Variants in TAOK2 observed in about 807,000 individuals in gnomAD.
The protein encoded by TAOK2 is TAO kinase 2, also known as serine/threonine-protein kinase TAO2.
Under a neutral mutation model 122.5 loss-of-function variants are expected in TAOK2, and 42 were observed. The observed-to-expected ratio is 0.34, with a 90% CI of 0.27 to 0.44. The LOEUF is 0.44. TAOK2 is among the 20% of genes least tolerant of loss of function. The probability of loss-of-function intolerance (pLI) is 1.00; values close to 1 mark genes in which losing one functional copy is unlikely to be tolerated. For synonymous variants in TAOK2, 704 were observed against 677.6 expected (o/e 1.04, Z -0.61); for missense variants, 1,264 against 1,644.9 (o/e 0.77, Z 4.01).
chr16:29,989,787 G>C (rs2069924532), downstream of TAOK2: 2 of 1,613,678 alleles, frequency 1.2e-6, no homozygotes, highest in Non-Finnish European at 1.7e-6. Flanking sequence ...CCATCTCAGA[G>C]ATGCTCAGCT....
In TAOK2 at chr16:29,985,831, G is replaced by A; in HGVS notation, c.1962G>A (p.Arg654=). The change falls in exon 15 of 16, where the codon CGG becomes CGA. Residue 654 remains arginine, a synonymous_variant. Coordinates refer to ENST00000308893, the MANE Select transcript of TAOK2 (RefSeq NM_016151.4). The surrounding 1 kb of genome is among the most constrained non-coding windows in gnomAD (Gnocchi z 6.9). ...RQYKRKMLLA[R]HSLDQDLLRE... The stretch of plus-strand genomic sequence containing the variant: ...ACAAGCGCAAGATGTTGCTGGCTCG[G>A]CACAGCCTGGACCAGGACCTGCTGC... The A allele has an allele frequency of 1.2e-6, 2 of 1,611,750 alleles. No individual in the cohort carries two copies. Among genetic ancestry groups the A allele is most frequent in the African/African-American group, 1.3e-5 (1 of 74,948 alleles).
downstream of TAOK2, chr16:29,991,585 G>C (rs1308719679): frequency 1.4e-6 from 2 of 1,456,694 alleles, no homozygotes. This position sits in a 1 kb window ranked among gnomAD's most constrained non-coding sequence, Gnocchi z 5.6. Context: ...GCGGGGAGGA[G>C]CAGATGAGCT....
downstream of TAOK2, chr16:29,991,305 C>G: frequency 1.2e-6 from 2 of 1,610,836 alleles, no homozygotes; most frequent in South Asian, 1.1e-5. The surrounding 1 kb of genome is among the most constrained non-coding windows in gnomAD (Gnocchi z 5.6). Context: ...ACCAGGCATG[C>G]CCCCTCCAGC....
In TAOK2 at chr16:29,987,168, C is replaced by T. The variant is rs564201149; in HGVS notation, c.2896C>T (p.Leu966=). 10 of 1,563,500 alleles carry T rather than the reference C, an allele frequency of 6.4e-6. No homozygotes were observed. In the African/African-American group the frequency reaches 1.1e-4, roughly 17 times the overall value. ...TGCAGTGGGGTCCTCCTCTGGCCTC[C>T]TGCCCCTCCTGCTGCTGCTGCTGCT... is the stretch of plus-strand genomic sequence containing the variant. The part of the protein sequence containing the change: ...SFAVGSSSGL[L]PLLLLLLLPL... Residue 966 remains leucine, a synonymous_variant, in exon 16 of 16, where the codon CTG becomes TTG. Transcript: ENST00000308893.
rs2069742736 is a variant in TAOK2, at chr16:29,985,136, T to C, written c.1423-77T>C. 2.1e-6 allele frequency: 3 copies of C among 1,433,476 alleles called. No homozygotes were observed. The highest frequency in any genetic ancestry group is 2.7e-6 in the Non-Finnish European group (3 of 1,092,116). The allele number at this position is 1,433,476 out of a possible 1,614,324, so 88.8% of individuals were successfully genotyped here. A position where few individuals can be genotyped will look rare whatever the true frequency, so the allele number is the denominator to read the frequency against. ...CCCATGAGTTGAAAACCCATGCTCT[T>C]CCCCACGGAAGACCCCTTGTGTTAA... On this transcript the variant is annotated intron_variant, in intron 13 of 15. Transcript: ENST00000308893. This position sits in a 1 kb window ranked among gnomAD's most constrained non-coding sequence, Gnocchi z 6.9.
At chr16:29,988,564 C>T (rs890925541), downstream of TAOK2, 1 of 985,232 alleles carries the variant, frequency 1.0e-6, no homozygotes, top group Non-Finnish European at 1.2e-6. Flanking sequence ...AGCTTCATTG[C>T]ACCATGACCA....
chr16:29,978,851 G>T lies in TAOK2; in HGVS notation c.352+7G>T. ...GCTTCTGACCTTCTAGAAGGTAAGT[G>T]ACTGATAGGCCAATAAGTGGAGAAG... On this transcript the variant is annotated splice_region_variant and intron_variant, in intron 5 of 15. Coordinates refer to ENST00000308893, the MANE Select transcript of TAOK2 (RefSeq NM_016151.4). 6.2e-7 allele frequency: 1 copy of T among 1,614,080 alleles called. No homozygotes were observed. Among genetic ancestry groups the T allele is most frequent in the South Asian group, 1.1e-5 (1 of 91,054 alleles).
rs751062812 is a variant in TAOK2, at chr16:29,987,176, CCTGCTGCTG to C, written c.2913_2921del (p.Leu972_Leu974del). The C allele has an allele frequency of 5.7e-5, 89 of 1,560,096 alleles. No individual in the cohort carries two copies. The highest frequency in any genetic ancestry group is 7.4e-5 in the Non-Finnish European group (86 of 1,158,204). ...GGTCCTCCTCTGGCCTCCTGCCCCT[CCTGCTGCTG>C]CTGCTGCTTCCATTGCTGGCAGCCC... On this transcript the variant is annotated inframe_deletion, in exon 16 of 16. Transcript: ENST00000308893.
chr16:29,978,490 T>C, intron 4 of TAOK2, 137 bp downstream of exon 4: 1 of 987,444 alleles, frequency 1.0e-6, no homozygotes, highest in Non-Finnish European at 1.6e-6. Flanking sequence ...TTTGACCGCT[T>C]TAGTCCTCAG....
In TAOK2 at chr16:29,987,681, C is replaced by A; in HGVS notation, c.3409C>A (p.Pro1137Thr). Reference sequence around the variant, plus strand: ...CGTCCCTGGGCCCCGGCGGCGTAATCCCCGCACCACCCAACACCCATTAGC... The same window carrying A: ...CGTCCCTGGGCCCCGGCGGCGTAATACCCGCACCACCCAACACCCATTAGC... ...LPVPGPRRRN[P>T]RTTQHPLALL... The change falls in exon 16 of 16, where the codon CCC becomes ACC. Residue 1137 changes from proline (P) to threonine (T), a missense_variant. By Grantham distance (38) the Pro-to-Thr change is conservative. This residue lies in a region of TAOK2 where 824 missense variants were observed against 908.7 expected (regional missense o/e 0.91). Transcript: ENST00000308893. 1 of 1,614,016 alleles carries A rather than the reference C, an allele frequency of 6.2e-7. No homozygotes were observed. Among genetic ancestry groups the A allele is most frequent in the Non-Finnish European group, 8.5e-7 (1 of 1,179,936 alleles).
At position 29,985,500 on chromosome 16, in the gene TAOK2, G is replaced by A. The variant is rs200156226; in HGVS notation, c.1710G>A (p.Gly570=). 5 of 1,612,380 alleles carry A rather than the reference G, an allele frequency of 3.1e-6. No homozygotes were observed. The East Asian group carries it at 8.9e-5, about 29-fold the overall frequency. Residue 570 remains glycine, a synonymous_variant, in exon 14 of 16, where the codon GGG becomes GGA. Coordinates refer to ENST00000308893, the MANE Select transcript of TAOK2 (RefSeq NM_016151.4). This position sits in a 1 kb window ranked among gnomAD's most constrained non-coding sequence, Gnocchi z 6.9. ...EERKFQQHIL[G]QQKKELAALL... ...GGAAGTTCCAGCAGCACATCCTTGG[G>A]CAGCAGAAGAAGGAGCTGGCTGCCC...
At chr16:29,989,167 A>G (rs2069905644), downstream of TAOK2, 10 of 984,572 alleles carry the variant, frequency 1.0e-5, no homozygotes, top group South Asian at 4.7e-4. Flanking sequence ...GCACGTTCTC[A>G]TATTTGCTCA....
chr16:29,979,175 C>T lies in TAOK2; in HGVS notation c.450-20C>T. 2 of 1,613,910 alleles carry T rather than the reference C, an allele frequency of 1.2e-6. No individual in the cohort carries two copies. The highest frequency in any genetic ancestry group is 1.7e-6 in the Non-Finnish European group (2 of 1,179,770). On this transcript the variant is annotated intron_variant, in intron 6 of 15. Coordinates refer to ENST00000308893, the MANE Select transcript of TAOK2 (RefSeq NM_016151.4). This position sits in a 1 kb window ranked among gnomAD's most constrained non-coding sequence, Gnocchi z 4.1. ...CTTTCTTGAGACACATGTCTCATCCCTGTACTTTGCCTCTGGCAGGGATGT... is the reference window on the plus strand; with the variant it reads ...CTTTCTTGAGACACATGTCTCATCCTTGTACTTTGCCTCTGGCAGGGATGT...
rs1567239765 is a variant in TAOK2 at position 29,979,383 on chromosome 16, G to A, written c.564-34G>A. On this transcript the variant is annotated intron_variant, in intron 7 of 15. Coordinates refer to ENST00000308893, the MANE Select transcript of TAOK2 (RefSeq NM_016151.4). This position sits in a 1 kb window ranked among gnomAD's most constrained non-coding sequence, Gnocchi z 4.1. The stretch of plus-strand genomic sequence containing the variant: ...AGTAGGAGTGACAGGGTCTCGGCGG[G>A]TGATTTGCCTCTCTCTCCTGACCAT... 6.2e-7 allele frequency: 1 copy of A among 1,605,994 alleles called. No individual in the cohort carries two copies. The highest frequency in any genetic ancestry group is 2.2e-5 in the East Asian group (1 of 44,780).
At chr16:29,984,271 G>T (rs1348911369) in intron 13 of TAOK2, among the ~76,000 whole-genome samples, 1 of 152,222 alleles carries the variant, frequency 6.6e-6, no homozygotes, top group Admixed American at 6.5e-5. Flanking sequence ...GTGGCTCAGA[G>T]GGGCCACTTG....
downstream of TAOK2, chr16:29,989,383 C>A: frequency 1.0e-6 from 1 of 985,238 alleles, no homozygotes; most frequent in Non-Finnish European, 1.2e-6. Context: ...TCCCACCTCT[C>A]CATGTCTGTC....
At chr16:29,980,590 T>C (rs1301087471) in intron 8 of TAOK2, 1 of 152,358 alleles carries the variant, frequency 6.6e-6, no homozygotes, top group Admixed American at 6.5e-5. Flanking sequence ...TTGGTTCGTA[T>C]TGGGTCCTCT....
rs539634268 is a variant in TAOK2 at position 29,979,556 on chromosome 16, G to A, written c.655+48G>A. On this transcript the variant is annotated intron_variant, in intron 8 of 15. Transcript: ENST00000308893. The surrounding 1 kb of genome is among the most constrained non-coding windows in gnomAD (Gnocchi z 4.1). The stretch of plus-strand genomic sequence containing the variant: ...CTCATCATCTTTTCCATTCTTTCCT[G>A]TTAGTTCCCAGACTCCGGACTACCC... The A allele has an allele frequency of 2.1e-6, 3 of 1,411,912 alleles. No homozygotes were observed. The highest frequency in any genetic ancestry group is 2.8e-6 in the Non-Finnish European group (3 of 1,060,816). The allele number at this position is 1,411,912 out of a possible 1,614,324, so 87.5% of individuals were successfully genotyped here.
At chr16:29,991,715 C>T, downstream of TAOK2, 2 of 1,102,682 alleles carry the variant, frequency 1.8e-6, no homozygotes, top group Non-Finnish European at 2.4e-6. This position sits in a 1 kb window ranked among gnomAD's most constrained non-coding sequence, Gnocchi z 5.6. Context: ...TCATGAGCTT[C>T]TTGGGGCTGG....
Sources: gnomAD v4.1 joint callset for allele counts (sites outside exome capture counted in the v4.1 genomes callset) on GRCh38, gnomAD v4.1.1 for gene constraint, gnomAD v4.1.1 regional missense constraint, Gnocchi (gnomAD v3.1) non-coding constraint, MANE v1.5 for transcripts, NCBI Gene and HGNC (gene_info 2026-07-23, HGNC 2026-07-21) for gene names.